Variants in OCA2 observed in about 807,000 individuals in gnomAD.
The protein encoded by OCA2 is P protein.
In OCA2, 77 loss-of-function variants were observed where a neutral mutation model predicts 100.2. The ratio of observed to expected loss-of-function variants is 0.77; its 90% confidence interval spans 0.64 to 0.93. The LOEUF is 0.93. Ranked by LOEUF, OCA2 falls within the 40% of genes least tolerant of loss-of-function variation. The pLI is 0.00. For missense variants in OCA2, 1,062 were observed against 1,089.1 expected, an observed-to-expected ratio of 0.98 and a Z score of 0.35; for synonymous variants, 432 against 439.2, an observed-to-expected ratio of 0.98 and a Z score of 0.21.
At chr15:27,851,324 G>T in intron 22 of OCA2, 58 bp downstream of exon 22, 1 of 1,377,060 alleles carries the variant, frequency 7.3e-7, no homozygotes, top group Non-Finnish European at 1.0e-6. Flanking sequence ...CTGTTGCTTT[G>T]GGCTGAACCA....
chr15:27,772,840 C>CAAAAA (rs55814100), intron 23 of OCA2, among the ~76,000 whole-genome samples: 9 of 122,824 alleles, frequency 7.3e-5, no homozygotes, highest in African/African-American at 2.4e-4. Flanking sequence ...GACTCTATCT[C>CAAAAA]AAAAAAAAAA....
intron 23 of OCA2, among the ~76,000 whole-genome samples, chr15:27,807,288 C>G (rs987332956): frequency 6.6e-6 from 1 of 152,124 alleles, no homozygotes; most frequent in Non-Finnish European, 1.5e-5. Flanking sequence ...AGCCTCACCC[C>G]CACTCTCCTG....
chr15:27,852,301 A>C (rs1480764702), intron 21 of OCA2, among the ~76,000 whole-genome samples: 1 of 152,096 alleles, frequency 6.6e-6, no homozygotes, highest in African/African-American at 2.4e-5. Flanking sequence ...TCCCACCACC[A>C]TTTATTAAAT....
intron 9 of OCA2, among the ~76,000 whole-genome samples, chr15:28,012,038 T>G (rs920945007): frequency 1.3e-5 from 2 of 149,088 alleles, no homozygotes; most frequent in Non-Finnish European, 3.0e-5. Flanking sequence ...GCAAACCACA[T>G]ATCCAACAGT....
intron 23 of OCA2, among the ~76,000 whole-genome samples, chr15:27,764,566 C>A (rs1231549638): frequency 2.0e-5 from 3 of 152,182 alleles, no homozygotes; most frequent in Non-Finnish European, 2.9e-5. Context: ...GAAAACTCCA[C>A]TGGGACTGGG....
At chr15:28,083,080 G>A (rs79918837) in intron 1 of OCA2, among the ~76,000 whole-genome samples, 3,346 of 152,264 alleles carry the variant, frequency 0.022, 113 homozygotes, top group South Asian at 0.079. Context: ...GCAGAGGCAC[G>A]TGCTGGGGCT....
At chr15:27,742,962 A>G in the OCA2 span, among the ~76,000 whole-genome samples, 1 of 152,226 alleles carries the variant, frequency 6.6e-6, no homozygotes, top group South Asian at 2.1e-4. Context: ...CAGGAGGCTG[A>G]GTATTCGATT....
chr15:27,727,509 G>C, the OCA2 span, among the ~76,000 whole-genome samples: 1 of 152,184 alleles, frequency 6.6e-6, no homozygotes, highest in African/African-American at 2.4e-5. Context: ...TGTAAAGCAC[G>C]GAGATTTTAG....
intron 14 of OCA2, among the ~76,000 whole-genome samples, chr15:27,981,367 A>G (rs2041155300): frequency 3.3e-5 from 5 of 152,222 alleles, no homozygotes; most frequent in Admixed American, 3.3e-4. Context: ...TACATGCCTG[A>G]TAATCAGTGA....
rs928944267 is a variant in OCA2, at chr15:27,895,942, A to T, written c.2080-24020T>A. 2.2e-5 allele frequency: 15 copies of T among 676,862 alleles called. No homozygotes were observed. The Admixed American group carries it at 2.8e-4, about 12-fold the overall frequency. The allele number at this position is 676,862 out of a possible 1,614,324, so 41.9% of individuals were successfully genotyped here. ...ATATGATAGTACGCACAGCATATGC[A>T]TGTGAACTACGAAAATATGGTTTGA... is the stretch of plus-strand genomic sequence containing the variant. On this transcript the variant is annotated intron_variant, in intron 19 of 23. Coordinates refer to ENST00000354638, the MANE Select transcript of OCA2 (RefSeq NM_000275.3).
intron 19 of OCA2, among the ~76,000 whole-genome samples, chr15:27,904,781 T>A (rs1303623298): frequency 6.6e-6 from 1 of 151,882 alleles, no homozygotes; most frequent in Non-Finnish European, 1.5e-5. Context: ...CAAGCTTGCC[T>A]GGGTAGGCCT....
downstream of OCA2, among the ~76,000 whole-genome samples, chr15:27,754,052 A>G (rs867135015): frequency 3.9e-5 from 6 of 152,242 alleles, no homozygotes; most frequent in South Asian, 4.1e-4. Flanking sequence ...GAGTGGCCAG[A>G]AGAACCCTTC....
At chr15:27,906,844 T>C (rs950002758) in intron 19 of OCA2, among the ~76,000 whole-genome samples, 3 of 152,154 alleles carry the variant, frequency 2.0e-5, no homozygotes, top group Non-Finnish European at 4.4e-5. Flanking sequence ...GACACCAACA[T>C]CCACTCAGCT....
Position 27,898,983 on chromosome 15 carries a change from A to G in OCA2, c.2080-27061T>C, listed in dbSNP as rs142050019. ...GAAGCCAAAATCAGACAAAGCTAGCATAAAGGAAACTATAGATCAATATAT... is the reference window on the plus strand; with the variant it reads ...GAAGCCAAAATCAGACAAAGCTAGCGTAAAGGAAACTATAGATCAATATAT... On this transcript the variant is annotated intron_variant, in intron 19 of 23. Transcript: ENST00000354638. 2.4e-3 allele frequency among the ~76,000 whole-genome samples: 361 copies of G among 152,334 alleles called. 2 individuals carry two copies. The highest frequency in any genetic ancestry group is 8.4e-3 in the African/African-American group (348 of 41,574).
At chr15:28,096,206 C>G (rs556550248) in intron 1 of OCA2, among the ~76,000 whole-genome samples, 1 of 146,800 alleles carries the variant, frequency 6.8e-6, no homozygotes, top group Non-Finnish European at 1.5e-5. Flanking sequence ...TCTCTGGGGG[C>G]ATGGCTTGTC....
intron 2 of OCA2, among the ~76,000 whole-genome samples, chr15:28,050,496 G>C (rs947957047): frequency 6.6e-6 from 1 of 151,122 alleles, no homozygotes; most frequent in Non-Finnish European, 1.5e-5. Context: ...GGGAGGCGGA[G>C]GTTGAAGTGA....
At chr15:27,992,716 G>A (rs2041596216) in intron 9 of OCA2, among the ~76,000 whole-genome samples, 1 of 152,202 alleles carries the variant, frequency 6.6e-6, no homozygotes, top group African/African-American at 2.4e-5. Flanking sequence ...AGAGCAGATA[G>A]GGATGAAGCC....
intron 16 of OCA2, among the ~76,000 whole-genome samples, chr15:27,956,391 C>A (rs541098206): frequency 3.3e-5 from 5 of 152,254 alleles, no homozygotes; most frequent in Admixed American, 6.5e-5. Context: ...CTTTAGGACA[C>A]CCTCATGGTA....
chr15:28,086,351 C>G (rs1430357230), intron 1 of OCA2, among the ~76,000 whole-genome samples: 2 of 152,184 alleles, frequency 1.3e-5, no homozygotes, highest in Non-Finnish European at 2.9e-5. Flanking sequence ...AGGGTGATAT[C>G]AGCAGAGTCC....
Sources: gnomAD v4.1 joint callset for allele counts (sites outside exome capture counted in the v4.1 genomes callset) on GRCh38, gnomAD v4.1.1 for gene constraint, MANE v1.5 for transcripts, NCBI Gene and HGNC (gene_info 2026-07-23, HGNC 2026-07-21) for gene names.